DOCK2: variants seen among roughly 807,000 people sequenced by gnomAD.
DOCK2 encodes the protein dedicator of cytokinesis protein 2.
In DOCK2, 87 loss-of-function variants were observed where a neutral mutation model predicts 248.9. That is an observed-to-expected ratio of 0.35 (90% CI 0.29 to 0.42). The LOEUF is 0.42. Ranked by LOEUF, DOCK2 falls within the 10% of genes least tolerant of loss-of-function variation. The pLI, the probability that DOCK2 is intolerant of heterozygous loss-of-function variation, is 1.00. For missense variants in DOCK2, 1,747 were observed against 2,300.2 expected (o/e 0.76, Z 4.92); for synonymous variants, 805 against 821.6 (o/e 0.98, Z 0.35).
rs762534189 is a variant in DOCK2, at chr5:169,695,813, A to G, written c.854A>G (p.Asn285Ser). ...NLKVVFTDLG[N>S]KDLNRDKIYL... ...TTTCTTTCCCCCCAGGATCTTGGAA[A>G]CAAAGACCTCAACAGGGATAAAATT... is the stretch of plus-strand genomic sequence containing the variant. The change falls in exon 10 of 52, where the codon AAC becomes AGC. Residue 285 changes from asparagine to serine, a missense_variant. By Grantham distance (46) the Asn-to-Ser change is conservative (BLOSUM62 1). This residue lies in a region of DOCK2 where 375 missense variants were observed against 510.9 expected (regional missense o/e 0.73). Transcript: ENST00000520908. 5 of 1,613,342 alleles carry G rather than the reference A, an allele frequency of 3.1e-6. No individual in the cohort carries two copies. Among genetic ancestry groups the G allele is most frequent in the East Asian group, 4.5e-5 (2 of 44,876 alleles).
intron 27 of DOCK2, among the ~76,000 whole-genome samples, chr5:169,975,543 A>G (rs569024031): frequency 9.2e-5 from 14 of 152,276 alleles, no homozygotes; most frequent in African/African-American, 3.1e-4. Context: ...CGACGCTCCA[A>G]GCACATCCCA....
At position 169,975,837 on chromosome 5, in the gene DOCK2, G is replaced by C. The variant is rs376059920; in HGVS notation, c.2800-7231G>C. 1.4e-4 allele frequency among the ~76,000 whole-genome samples: 22 copies of C among 152,292 alleles called. No individual in the cohort carries two copies. The South Asian group carries it at 4.4e-3, about 30-fold the overall frequency. On this transcript the variant is annotated intron_variant, in intron 27 of 51. Transcript: ENST00000520908. ...TGAGCTTCTTAAGAACAAAGCCTTT[G>C]GTAACCTCAGCTGTATCCCCAGCAT...
At chr5:169,896,843 G>A (rs761453034) in intron 27 of DOCK2, among the ~76,000 whole-genome samples, 4 of 152,096 alleles carry the variant, frequency 2.6e-5, no homozygotes, top group Non-Finnish European at 5.9e-5. Context: ...AAATGCAGAT[G>A]CCATAGAACT....
intron 32 of DOCK2, among the ~76,000 whole-genome samples, chr5:170,018,462 A>C (rs188814422): frequency 1.4e-3 from 214 of 152,336 alleles, no homozygotes; most frequent in Admixed American, 8.9e-3. Flanking sequence ...CTGATCCTCA[A>C]GCTATGTTTT....
rs2113876372 is a variant in DOCK2, at chr5:170,077,735, G to A, written c.4892G>A (p.Gly1631Asp). Residue 1631 changes from glycine (G) to aspartate (D), a missense_variant, in exon 48 of 52, where the codon GGC (glycine) becomes GAC (aspartate). Gly to Asp is a moderately conservative substitution (Grantham distance 94). Coordinates refer to ENST00000520908, the MANE Select transcript of DOCK2 (RefSeq NM_004946.3). ...EMPDFDDRRVGRPRSMLRSYR... is the reference protein window; with the variant it reads ...EMPDFDDRRVDRPRSMLRSYR... ...CCTGACTTTGACGACAGGAGAGTGG[G>A]CCGTCCCAGGTCTATGCTGCGCTCA... The A allele has an allele frequency of 6.2e-7, 1 of 1,613,782 alleles. No individual in the cohort carries two copies. The highest frequency in any genetic ancestry group is 8.5e-7 in the Non-Finnish European group (1 of 1,179,886).
At chr5:169,795,548 G>C (rs2113090579) in intron 25 of DOCK2, among the ~76,000 whole-genome samples, 1 of 152,296 alleles carries the variant, frequency 6.6e-6, no homozygotes, top group African/African-American at 2.4e-5. Flanking sequence ...GTTGTAAAAG[G>C]CTTGTAACCT....
Position 169,926,781 on chromosome 5 carries a change from G to GTTAC in DOCK2, c.2800-56283_2800-56280dup, listed in dbSNP as rs1375376207. Among the ~76,000 whole-genome samples the GTTAC allele has an allele frequency of 2.6e-5, 4 of 152,178 alleles. No homozygotes were observed. In the East Asian group the frequency reaches 7.7e-4, roughly 29 times the overall value. On this transcript the variant is annotated intron_variant, in intron 27 of 51. Transcript: ENST00000520908. ...GCTGGATGCATTCATTTAGCAACTA[G>GTTAC]TTACTTATTGAGCTTTTACTGCATC...
At chr5:170,034,860 C>T (rs2113837551) in intron 35 of DOCK2, among the ~76,000 whole-genome samples, 1 of 152,242 alleles carries the variant, frequency 6.6e-6, no homozygotes, top group South Asian at 2.1e-4. Context: ...GCTTTGGAGT[C>T]ACACAGCCTC....
At chr5:169,879,353 A>C (rs1422900940) in intron 27 of DOCK2, among the ~76,000 whole-genome samples, 2 of 152,190 alleles carry the variant, frequency 1.3e-5, no homozygotes, top group Non-Finnish European at 2.9e-5. Flanking sequence ...GTTTGAAGTC[A>C]TTTGAATGTT....
In DOCK2 at chr5:170,067,521, T is replaced by C. The variant is rs913797617; in HGVS notation, c.4479T>C (p.Ser1493=). The change falls in exon 45 of 52, where the codon AGT becomes AGC. Residue 1493 remains serine, a synonymous_variant. Transcript: ENST00000520908. ...CTCATTTTCAACAGACCACAATTAG[T>C]CCTCTGGAGAATGCCATAGAAACCA... The part of the protein sequence containing the change: ...EVVHMSQTTI[S]PLENAIETMS... 6.2e-7 allele frequency: 1 copy of C among 1,613,830 alleles called. No homozygotes were observed. The highest frequency in any genetic ancestry group is 1.3e-5 in the African/African-American group (1 of 74,888).
chr5:170,035,526 T>C lies in DOCK2; in HGVS notation c.3624+971T>C, dbSNP rs192192842. Among the ~76,000 whole-genome samples the C allele has an allele frequency of 2.0e-5, 3 of 152,268 alleles. No individual in the cohort carries two copies. The East Asian group carries it at 5.8e-4, about 29-fold the overall frequency. On this transcript the variant is annotated intron_variant, in intron 35 of 51. Coordinates refer to ENST00000520908, the MANE Select transcript of DOCK2 (RefSeq NM_004946.3). ...CCAGGCCCAGTTTACATAAAGATCA[T>C]GAAGAGGTGTTTTCCACGAGCTGAG...
At chr5:169,840,705 G>A in intron 26 of DOCK2, 52 bp from the exon 27 acceptor site, 2 of 1,557,256 alleles carry the variant, frequency 1.3e-6, no homozygotes, top group Non-Finnish European at 1.8e-6. Context: ...TTGTACAATT[G>A]TTCAGATGCA....
intron 27 of DOCK2, among the ~76,000 whole-genome samples, chr5:169,887,621 A>G (rs949610766): frequency 1.3e-5 from 2 of 152,212 alleles, no homozygotes; most frequent in Non-Finnish European, 2.9e-5. Context: ...CTATTTAAAT[A>G]GTATTTTTGT....
chr5:169,692,664 A>G (rs948743047), intron 9 of DOCK2, among the ~76,000 whole-genome samples: 19 of 152,200 alleles, frequency 1.2e-4, no homozygotes, highest in African/African-American at 4.6e-4. Flanking sequence ...TATGTAGTAT[A>G]TTAGTTTGCT....
At chr5:169,700,530 CTT>C (rs72511281) in intron 13 of DOCK2, among the ~76,000 whole-genome samples, 69 of 147,552 alleles carry the variant, frequency 4.7e-4, no homozygotes, top group African/African-American at 1.4e-3. Context: ...TATTTTTAAG[CTT>C]TTTTTTTTTA....
chr5:170,076,005 G>T lies in DOCK2; in HGVS notation c.4787G>T (p.Arg1596Leu), dbSNP rs1445802602. Residue 1596 changes from arginine (R) to leucine (L), a missense_variant, in exon 47 of 52, where the codon CGA becomes CTA. Transcript: ENST00000520908. ...GAGAAAAGGGTGTCAGATAACTTGC[G>T]ACCCTTCCATGACCGGATGGAGGAA... is the stretch of plus-strand genomic sequence containing the variant. ...IHEKRVSDNL[R>L]PFHDRMEECF... The T allele has an allele frequency of 1.2e-6, 2 of 1,614,018 alleles. No individual in the cohort carries two copies. Among genetic ancestry groups the T allele is most frequent in the African/African-American group, 1.3e-5 (1 of 74,910 alleles).
At position 169,764,844 on chromosome 5, in the gene DOCK2, T is replaced by TTTGTTGTTGTTGTTG. The variant is rs10636919; in HGVS notation, c.2554+3234_2554+3248dup. 3.2e-3 allele frequency among the ~76,000 whole-genome samples: 482 copies of TTTGTTGTTGTTGTTG among 151,062 alleles called. 1 individual carries two copies. Among genetic ancestry groups the TTTGTTGTTGTTGTTG allele is most frequent in the African/African-American group, 0.011 (452 of 40,944 alleles). On this transcript the variant is annotated intron_variant, in intron 25 of 51. Transcript: ENST00000520908. This position sits in a 1 kb window ranked among gnomAD's most constrained non-coding sequence, Gnocchi z 4.3. ...GCTCTCCATTCTGACTTTGAACGTG[T>TTTGTTGTTGTTGTTG]TTGTTGTTGTTGTTGTTGTTGTTGT...
intron 27 of DOCK2, among the ~76,000 whole-genome samples, chr5:169,893,511 G>T (rs1270460964): frequency 1.5e-5 from 2 of 131,996 alleles, no homozygotes; most frequent in Non-Finnish European, 1.6e-5. Context: ...ACCACTTTTT[G>T]ACTTTAAATA....
chr5:169,638,250 A>C (rs1478696741), intron 1 of DOCK2, among the ~76,000 whole-genome samples: 1 of 152,180 alleles, frequency 6.6e-6, no homozygotes, highest in Non-Finnish European at 1.5e-5. Flanking sequence ...GATTTGATGC[A>C]GGGGGTCCCC....
Sources: gnomAD v4.1 joint callset for allele counts (sites outside exome capture counted in the v4.1 genomes callset) on GRCh38, gnomAD v4.1.1 for gene constraint, gnomAD v4.1.1 regional missense constraint, Gnocchi (gnomAD v3.1) non-coding constraint, MANE v1.5 for transcripts, NCBI Gene and HGNC (gene_info 2026-07-23, HGNC 2026-07-21) for gene names.